SPG7: variants seen among roughly 807,000 people sequenced by gnomAD.
The protein encoded by SPG7 is SPG7 matrix AAA peptidase subunit, paraplegin, also known as mitochondrial inner membrane m-AAA protease component paraplegin.
In SPG7, 103 loss-of-function variants were observed where a neutral mutation model predicts 81.9. That is an observed-to-expected ratio of 1.26 (90% CI 1.07 to 1.48). The LOEUF (loss-of-function observed/expected upper bound fraction) is 1.48. Ranked by LOEUF, SPG7 falls within the 40% of genes most tolerant of loss-of-function variation. The pLI is 0.00. For missense variants in SPG7, 1,241 were observed against 1,087.3 expected, an observed-to-expected ratio of 1.14 and a Z score of -1.99; for synonymous variants, 534 against 444.2, an observed-to-expected ratio of 1.20 and a Z score of -2.54.
chr16:89,537,522 T>C, intron 9 of SPG7: 1 of 991,276 alleles, frequency 1.0e-6, no homozygotes, highest in Admixed American at 5.8e-5. Context: ...GCTGTGAACA[T>C]TTTATGCTTC....
intron 1 of SPG7, chr16:89,509,124 G>C (rs949018937): frequency 2.7e-6 from 1 of 373,826 alleles, no homozygotes; most frequent in Admixed American, 3.1e-5. Context: ...GTGCGGCCTT[G>C]TTTCAGGTTC....
chr16:89,539,013 C>G (rs1198307960), intron 9 of SPG7: 2 of 152,292 alleles, frequency 1.3e-5, no homozygotes, highest in Non-Finnish European at 2.9e-5. Context: ...GAGCTCAGGG[C>G]TTGGGGGTGC....
In SPG7 at chr16:89,513,049, T is replaced by C. The variant is rs1280897163; in HGVS notation, c.376+12T>C. The C allele has an allele frequency of 5.0e-6, 8 of 1,596,490 alleles. No individual in the cohort carries two copies. Among genetic ancestry groups the C allele is most frequent in the Admixed American group, 1.8e-5 (1 of 56,960 alleles). Reference sequence around the variant, plus strand: ...TGAAGAGGACGAAGGTATATTCATCTGATGTTCTTCAGTCAGTAGCTGCCT... The same window carrying C: ...TGAAGAGGACGAAGGTATATTCATCCGATGTTCTTCAGTCAGTAGCTGCCT... On this transcript the variant is annotated intron_variant, in intron 3 of 16. Coordinates refer to ENST00000645818, the MANE Select transcript of SPG7 (RefSeq NM_003119.4).
Position 89,514,116 on chromosome 16 carries a change from G to T in SPG7, c.376+1079G>T, listed in dbSNP as rs1283010782. ...AAGGGACACCAGTGTTTCGCAGGTG[G>T]ATTCAGTTTAGGCGTTTCTGGCTTT... On this transcript the variant is annotated intron_variant, in intron 3 of 16. Transcript: ENST00000645818. 2.0e-5 allele frequency among the ~76,000 whole-genome samples: 3 copies of T among 152,202 alleles called. No individual in the cohort carries two copies. In the East Asian group the frequency reaches 5.8e-4, roughly 29 times the overall value.
Position 89,547,409 on chromosome 16 carries a change from C to G in SPG7, c.1553-594C>G, listed in dbSNP as rs1171779658. On this transcript the variant is annotated intron_variant, in intron 11 of 16. Transcript: ENST00000645818. ...GGGCGTCAGGGCGGATGGAGCCTGGCGGTTCTGTGTCTCGTCTGTGGAATG... is the reference window on the plus strand; with the variant it reads ...GGGCGTCAGGGCGGATGGAGCCTGGGGGTTCTGTGTCTCGTCTGTGGAATG... 2.3e-5 allele frequency: 4 copies of G among 177,164 alleles called. No homozygotes were observed. In the South Asian group the frequency reaches 4.7e-4, roughly 21 times the overall value. 11.0% of individuals were successfully genotyped at this position (177,164 alleles called of 1,614,324 possible). A position where few individuals can be genotyped will look rare whatever the true frequency, so the allele number is the denominator to read the frequency against.
rs915422940 is a variant in SPG7, at chr16:89,550,901, G to A, written c.1779+292G>A. 2.0e-5 allele frequency among the ~76,000 whole-genome samples: 3 copies of A among 152,296 alleles called. No individual in the cohort carries two copies. In the East Asian group the frequency reaches 5.8e-4, roughly 29 times the overall value. On this transcript the variant is annotated intron_variant, in intron 13 of 16. Coordinates refer to ENST00000645818, the MANE Select transcript of SPG7 (RefSeq NM_003119.4). ...CTCGTGGAAGGTTACACCATGCAAT[G>A]GGGTTTCGCTGCCTTTGCCTGTCCA... is the stretch of plus-strand genomic sequence containing the variant.
chr16:89,547,711 C>A (rs181353519), intron 11 of SPG7: 4 of 402,304 alleles, frequency 9.9e-6, no homozygotes, highest in Non-Finnish European at 1.9e-5. Context: ...CTCCTGGGTT[C>A]AACCGATTTT....
intron 9 of SPG7, chr16:89,537,397 AC>A: frequency 9.4e-7 from 1 of 1,067,396 alleles, no homozygotes; most frequent in South Asian, 3.3e-5. Context: ...CGCTGACCAC[AC>A]GCGGGAGCTG....
At chr16:89,513,281 T>C (rs1226047457) in intron 3 of SPG7, among the ~76,000 whole-genome samples, 3 of 152,098 alleles carry the variant, frequency 2.0e-5, no homozygotes, top group Non-Finnish European at 2.9e-5. Context: ...ACACCTGTAA[T>C]CCCAGCACTT....
At chr16:89,555,640 T>G (rs2058679947) in intron 16 of SPG7, 2 of 376,736 alleles carry the variant, frequency 5.3e-6, no homozygotes, top group Admixed American at 9.1e-5. Context: ...CTCCCTTGTT[T>G]TGAGGGCTCT....
intron 2 of SPG7, among the ~76,000 whole-genome samples, chr16:89,511,666 C>T (rs1245909624): frequency 1.3e-5 from 2 of 152,170 alleles, no homozygotes; most frequent in Admixed American, 6.6e-5. Context: ...ACTGGTGAAC[C>T]CGTTCATGTC....
intron 10 of SPG7, chr16:89,545,219 A>T: frequency 3.3e-6 from 1 of 305,590 alleles, no homozygotes; most frequent in Non-Finnish European, 6.4e-6. Flanking sequence ...CTGCCCTGAA[A>T]TTGGGGTGGG....
intron 9 of SPG7, chr16:89,536,692 G>A: frequency 1.9e-6 from 3 of 1,582,172 alleles, no homozygotes; most frequent in South Asian, 2.2e-5. Context: ...GCGGGCGGCT[G>A]CGCTGCTCTG....
intron 16 of SPG7, chr16:89,555,909 T>G (rs1597667581): frequency 2.5e-6 from 1 of 398,816 alleles, no homozygotes; most frequent in East Asian, 3.6e-5. Flanking sequence ...GGATCGTGTT[T>G]GGGGCCCTTA....
intron 3 of SPG7, among the ~76,000 whole-genome samples, chr16:89,513,752 A>G (rs1484197887): frequency 4.4e-4 from 1 of 2,290 alleles, no homozygotes; most frequent in Non-Finnish European, 1.9e-3. Context: ...CTCGCTGGAA[A>G]TCAGCGTTGT....
intron 2 of SPG7, 108 bp downstream of exon 2, chr16:89,510,700 C>T (rs2058008381): frequency 4.0e-6 from 3 of 745,080 alleles, no homozygotes; most frequent in Admixed American, 2.0e-5. Flanking sequence ...CGCCCTGTTG[C>T]ACGGGCTGGA....
At chr16:89,515,523 T>G (rs1202455580) in intron 3 of SPG7, among the ~76,000 whole-genome samples, 1 of 149,878 alleles carries the variant, frequency 6.7e-6, no homozygotes, top group Non-Finnish European at 1.5e-5. Context: ...CACTTCGGCC[T>G]CCCAAAGTGC....
chr16:89,537,738 C>T (rs1035264019), intron 9 of SPG7: 114 of 985,220 alleles, frequency 1.2e-4, no homozygotes, highest in Non-Finnish European at 1.4e-4. Context: ...CAGTGCTTGC[C>T]GTGAGCTCTT....
chr16:89,534,994 C>T (rs953801212), intron 9 of SPG7, among the ~76,000 whole-genome samples: 1 of 152,186 alleles, frequency 6.6e-6, no homozygotes, highest in African/African-American at 2.4e-5. Context: ...CCTCAGCCTC[C>T]CGAGTAGCTG....
Sources: allele counts gnomAD v4.1 joint callset (sites outside exome capture counted in the v4.1 genomes callset), GRCh38; gene constraint gnomAD v4.1.1; transcripts MANE v1.5; gene names NCBI Gene and HGNC (gene_info 2026-07-23, HGNC 2026-07-21).